Variants in PISD observed in about 807,000 individuals in gnomAD.
The protein encoded by PISD is phosphatidylserine decarboxylase.
Under a neutral mutation model 43.5 loss-of-function variants are expected in PISD, and 31 were observed. The ratio of observed to expected loss-of-function variants is 0.71; its 90% CI spans 0.54 to 0.96. The LOEUF (loss-of-function observed/expected upper bound fraction) is 0.96. PISD is among the 40% of genes least tolerant of loss of function. The probability of loss-of-function intolerance (pLI) is 0.00; values close to 1 mark genes in which losing one functional copy is unlikely to be tolerated. For synonymous variants in PISD, 259 were observed against 228.7 expected, an observed-to-expected ratio of 1.13 and a Z score of -1.20; for missense variants, 523 against 548.4, an observed-to-expected ratio of 0.95 and a Z score of 0.46.
At chr22:31,654,686 C>G (rs975887711) in intron 1 of PISD, among the ~76,000 whole-genome samples, 3 of 152,150 alleles carry the variant, frequency 2.0e-5, no homozygotes, top group African/African-American at 7.2e-5. Context: ...CCAATGAAAT[C>G]TGAGGATCAT....
intron 1 of PISD, among the ~76,000 whole-genome samples, chr22:31,659,102 CCTT>C (rs1330514265): frequency 6.6e-6 from 1 of 152,100 alleles, no homozygotes; most frequent in African/African-American, 2.4e-5. Flanking sequence ...AATCCACCCG[CCTT>C]AGCCTCCCAA....
chr22:31,620,889 G>T, intron 6 of PISD, 107 bp downstream of exon 6: 1 of 1,411,042 alleles, frequency 7.1e-7, no homozygotes, highest in South Asian at 1.4e-5. Flanking sequence ...GTCAACTCCT[G>T]GCCTCAATGA....
At chr22:31,642,172 G>C (rs2073752996) in intron 3 of PISD, among the ~76,000 whole-genome samples, 1 of 151,270 alleles carries the variant, frequency 6.6e-6, no homozygotes, top group South Asian at 2.1e-4. Context: ...CTGAGGAAGA[G>C]CCAAGAGTGG....
At chr22:31,633,854 A>T (rs1379078940) in intron 3 of PISD, among the ~76,000 whole-genome samples, 1 of 152,224 alleles carries the variant, frequency 6.6e-6, no homozygotes, top group Non-Finnish European at 1.5e-5. Flanking sequence ...GATTTTGAAC[A>T]ATCACTTACA....
chr22:31,648,654 G>A (rs948578222), intron 2 of PISD, among the ~76,000 whole-genome samples: 7 of 148,376 alleles, frequency 4.7e-5, no homozygotes, highest in East Asian at 2.0e-4. Context: ...GTAACAGAGC[G>A]AGACTCCATT....
intron 3 of PISD, chr22:31,623,838 G>A (rs200778150): frequency 1.2e-6 from 2 of 1,613,506 alleles, no homozygotes; most frequent in South Asian, 2.2e-5. Flanking sequence ...GGCCAGCTGG[G>A]GGAAGTGCAA....
chr22:31,628,967 G>A (rs1049389514), intron 3 of PISD: 38 of 985,178 alleles, frequency 3.9e-5, no homozygotes, highest in African/African-American at 1.9e-4. Flanking sequence ...CCAAACTTGC[G>A]CGGAGTGACC....
rs1289924495 is a variant in PISD, at chr22:31,641,688, C to G, written c.321+6413G>C. 2.7e-5 allele frequency among the ~76,000 whole-genome samples: 4 copies of G among 150,886 alleles called. 1 individual carries two copies. Among genetic ancestry groups the G allele is most frequent in the African/African-American group, 9.9e-5 (4 of 40,258 alleles). On this transcript the variant is annotated intron_variant, in intron 3 of 7. Coordinates refer to ENST00000439502, the MANE Select transcript of PISD (RefSeq NM_001326411.2). The stretch of plus-strand genomic sequence containing the variant: ...CAAAAAAATTAGCCAGGTGTGGTGC[C>G]ACAAGCCTGTAATCCCAGCTACTCG...
chr22:31,654,563 A>G (rs1463008605), intron 1 of PISD, among the ~76,000 whole-genome samples: 2 of 152,126 alleles, frequency 1.3e-5, no homozygotes, highest in South Asian at 2.1e-4. Flanking sequence ...TTCTCTATCC[A>G]TAGGAGAGAC....
intron 3 of PISD, among the ~76,000 whole-genome samples, chr22:31,644,646 G>A (rs1465093672): frequency 6.6e-6 from 1 of 152,136 alleles, no homozygotes; most frequent in African/African-American, 2.4e-5. Context: ...ACCAGAGGTG[G>A]GATTAGGACC....
intron 1 of PISD, among the ~76,000 whole-genome samples, chr22:31,654,659 A>G (rs1213369350): frequency 6.6e-6 from 1 of 152,186 alleles, no homozygotes; most frequent in Non-Finnish European, 1.5e-5. Context: ...AGGTGTGGCC[A>G]TGAGACTAAG....
rs964274611 is a variant in PISD at position 31,621,586 on chromosome 22, G to C, written c.558+63C>G. The stretch of plus-strand genomic sequence containing the variant: ...CTTCCAGATACGCTGGAGACCAGGG[G>C]GGCTGTGCTGGGGAGGCAGGAAAAA... On this transcript the variant is annotated intron_variant, in intron 4 of 7. Transcript: ENST00000439502. 3 of 1,596,200 alleles carry C rather than the reference G, an allele frequency of 1.9e-6. No homozygotes were observed. In the Admixed American group the frequency reaches 5.0e-5, roughly 27 times the overall value.
intron 3 of PISD, chr22:31,623,931 G>T: frequency 7.5e-7 from 1 of 1,336,844 alleles, no homozygotes; most frequent in Non-Finnish European, 1.0e-6. Flanking sequence ...TGCACCCAGG[G>T]CAGGATTCCT....
chr22:31,635,460 A>G (rs1245017552), intron 3 of PISD, among the ~76,000 whole-genome samples: 1 of 151,850 alleles, frequency 6.6e-6, no homozygotes, highest in African/African-American at 2.4e-5. Flanking sequence ...CTGCCACCAC[A>G]CTGGGCTAAT....
chr22:31,624,849 T>G, intron 3 of PISD, among the ~76,000 whole-genome samples: 1 of 151,628 alleles, frequency 6.6e-6, no homozygotes, highest in Non-Finnish European at 1.5e-5. Context: ...CAGCAGGGGC[T>G]CAGCTTCACC....
At chr22:31,659,835 G>A (rs1315459650) in intron 1 of PISD, among the ~76,000 whole-genome samples, 1 of 151,790 alleles carries the variant, frequency 6.6e-6, no homozygotes, top group Non-Finnish European at 1.5e-5. Context: ...ACCCACCTTG[G>A]CCTCCCAAAG....
rs555660296 is a variant in PISD at position 31,641,747 on chromosome 22, G to A, written c.321+6354C>T. Among the ~76,000 whole-genome samples, 177 of 151,224 alleles carry A rather than the reference G, an allele frequency of 1.2e-3. 19 individuals carry two copies. Among genetic ancestry groups the A allele is most frequent in the African/African-American group, 4.3e-3 (175 of 40,552 alleles). On this transcript the variant is annotated intron_variant, in intron 3 of 7. Transcript: ENST00000439502. ...AGGCAGGAGAACTGCTTGAACCCGG[G>A]AGGCGCAGGTTGCAGTGAGCTGAGA...
intron 4 of PISD, 67 bp downstream of exon 4, chr22:31,621,581 CA>C (rs747567795): frequency 3.1e-6 from 5 of 1,594,396 alleles, no homozygotes; most frequent in South Asian, 1.1e-5. Flanking sequence ...CGCTGGAGAC[CA>C]GGGGGGCTGT....
At chr22:31,646,653 A>G (rs554584839) in intron 3 of PISD, among the ~76,000 whole-genome samples, 1 of 152,298 alleles carries the variant, frequency 6.6e-6, no homozygotes, top group South Asian at 2.1e-4. Flanking sequence ...GAAAGATGTC[A>G]GCTTGGGTTT....
Sources: gnomAD v4.1 joint callset for allele counts (sites outside exome capture counted in the v4.1 genomes callset) on GRCh38, gnomAD v4.1.1 for gene constraint, MANE v1.5 for transcripts, NCBI Gene and HGNC (gene_info 2026-07-23, HGNC 2026-07-21) for gene names.